PLEKHA7: variants seen among roughly 807,000 people sequenced by gnomAD.
PLEKHA7 encodes the protein pleckstrin homology domain-containing family A member 7.
A neutral mutation model predicts 170.0 loss-of-function variants in PLEKHA7; 104 were observed. The observed-to-expected ratio is 0.61, with a 90% CI of 0.52 to 0.72. PLEKHA7 has a LOEUF of 0.72. PLEKHA7 is among the 30% of genes least tolerant of loss of function. The pLI is 0.00. For synonymous variants in PLEKHA7, 648 were observed against 660.8 expected (o/e 0.98, Z 0.30); for missense variants, 1,615 against 1,671.7 (o/e 0.97, Z 0.59).
intron 3 of PLEKHA7, 50 bp downstream of exon 3, chr11:17,013,939 G>C: frequency 7.0e-7 from 1 of 1,421,264 alleles, no homozygotes; most frequent in Admixed American, 2.7e-5. Context: ...AACGGGGAGG[G>C]ACCCCCCCCC....
chr11:16,841,877 C>A (rs431208), intron 8 of PLEKHA7, among the ~76,000 whole-genome samples, 155 bp from the exon 9 acceptor site: 24,502 of 152,186 alleles, frequency 0.16, 2,400 homozygotes, highest in African/African-American at 0.27. Flanking sequence ...GGCTAGATTT[C>A]TCTTTCTTAG....
In PLEKHA7 at chr11:16,816,894, G is replaced by A; in HGVS notation, c.1772C>T (p.Ala591Val). Reference sequence around the variant, plus strand: ...CGGTGGCTTCACTGTGACTCGCTCTGCTGGTGTGTGTGGCCGCCGGGGTGG... The same window carrying A: ...CGGTGGCTTCACTGTGACTCGCTCTACTGGTGTGTGTGGCCGCCGGGGTGG... ...VFPPRRPHTPAERVTVKPPDQ... is the reference protein window; with the variant it reads ...VFPPRRPHTPVERVTVKPPDQ... Residue 591 changes from alanine to valine, a missense_variant, in exon 11 of 27, where the codon GCA becomes GTA. By Grantham distance (64) the Ala-to-Val change is moderately conservative. Coordinates refer to ENST00000531066, the MANE Select transcript of PLEKHA7 (RefSeq NM_001329630.2). The A allele has an allele frequency of 6.2e-7, 1 of 1,614,172 alleles. No individual in the cohort carries two copies. Among genetic ancestry groups the A allele is most frequent in the East Asian group, 2.2e-5 (1 of 44,872 alleles).
intron 3 of PLEKHA7, among the ~76,000 whole-genome samples, chr11:16,985,560 C>T (rs1863674742): frequency 6.6e-6 from 1 of 152,212 alleles, no homozygotes; most frequent in Admixed American, 6.5e-5. Context: ...CAGCCACACA[C>T]AACAGCTAGA....
chr11:17,014,127 G>A lies in PLEKHA7; in HGVS notation c.161C>T (p.Ser54Leu). Residue 54 changes from serine to leucine, a missense_variant and splice_region_variant, in exon 2 of 27, where the codon TCA becomes TTA. Physicochemically the swap from Ser to Leu is moderately radical, Grantham distance 145. Coordinates refer to ENST00000531066, the MANE Select transcript of PLEKHA7 (RefSeq NM_001329630.2). ...CCACCCGCCGGCCCGGCGCCCACCT[G>A]AGCGGATCATGTGGCCCGAGTTGAC... ...EPVNSGHMIR[S>L]DLPRGWEEGF... 1.2e-6 allele frequency: 2 copies of A among 1,602,688 alleles called. No individual in the cohort carries two copies. Among genetic ancestry groups the A allele is most frequent in the Non-Finnish European group, 1.7e-6 (2 of 1,176,090 alleles).
chr11:16,873,240 T>C (rs998270847), intron 3 of PLEKHA7, among the ~76,000 whole-genome samples: 3 of 152,212 alleles, frequency 2.0e-5, no homozygotes, highest in African/African-American at 7.2e-5. Flanking sequence ...ACAAAGGTTA[T>C]AAAAGAAAAA....
chr11:16,797,465 C>T (rs1336790815), intron 17 of PLEKHA7, among the ~76,000 whole-genome samples: 1 of 152,208 alleles, frequency 6.6e-6, no homozygotes, highest in Non-Finnish European at 1.5e-5. Flanking sequence ...TCAGTGCATA[C>T]ATGCTACGTG....
At chr11:17,007,574 CTTTT>C (rs57078018) in intron 3 of PLEKHA7, among the ~76,000 whole-genome samples, 5 of 116,184 alleles carry the variant, frequency 4.3e-5, no homozygotes, top group Admixed American at 1.8e-4. Context: ...TCTAAAGATG[CTTTT>C]TTTTTTTTTT....
At chr11:17,010,762 C>T (rs1210746616) in intron 3 of PLEKHA7, among the ~76,000 whole-genome samples, 2 of 152,090 alleles carry the variant, frequency 1.3e-5, no homozygotes, top group Non-Finnish European at 2.9e-5. Flanking sequence ...CTTTATGAGC[C>T]AGATTAGAGG....
At chr11:16,832,403 C>A (rs1851187171) in intron 9 of PLEKHA7, among the ~76,000 whole-genome samples, 1 of 152,198 alleles carries the variant, frequency 6.6e-6, no homozygotes, top group African/African-American at 2.4e-5. Flanking sequence ...AGAGCAAATT[C>A]TTATTTTCCC....
In PLEKHA7 at chr11:16,959,120, G is replaced by A. The variant is rs552873921; in HGVS notation, c.221+54869C>T. On this transcript the variant is annotated intron_variant, in intron 3 of 26. Transcript: ENST00000531066. ...TTATTTTAGGTTTGTGGGTACATGT[G>A]AAGGTGTGTTACATACGTAAACACA... Among the ~76,000 whole-genome samples, 3 of 152,310 alleles carry A rather than the reference G, an allele frequency of 2.0e-5. No individual in the cohort carries two copies. In the East Asian group the frequency reaches 5.8e-4, roughly 29 times the overall value.
chr11:16,857,055 T>A (rs1285095403), intron 4 of PLEKHA7, among the ~76,000 whole-genome samples: 1 of 152,160 alleles, frequency 6.6e-6, no homozygotes. Context: ...ACAGACACTT[T>A]TAGAGTGATA....
intron 9 of PLEKHA7, among the ~76,000 whole-genome samples, chr11:16,834,685 T>C (rs1851370274): frequency 6.6e-6 from 1 of 152,128 alleles, no homozygotes. Context: ...CTTTAGCTTA[T>C]TAGAGAGGAA....
At position 16,915,395 on chromosome 11, in the gene PLEKHA7, G is replaced by A. The variant is rs112954028; in HGVS notation, c.222-44213C>T. ...TTATTATTATACTTTAAGTTTTAGG[G>A]TACATGTGCACGATGTGCAGGTTTG... On this transcript the variant is annotated intron_variant, in intron 3 of 26. Transcript: ENST00000531066. Among the ~76,000 whole-genome samples, 733 of 152,086 alleles carry A rather than the reference G, an allele frequency of 4.8e-3. 7 individuals carry two copies. Among genetic ancestry groups the A allele is most frequent in the African/African-American group, 0.017 (696 of 41,484 alleles).
At chr11:16,907,925 ATTC>A (rs1857955508) in intron 3 of PLEKHA7, among the ~76,000 whole-genome samples, 1 of 146,790 alleles carries the variant, frequency 6.8e-6, no homozygotes, top group African/African-American at 2.5e-5. Flanking sequence ...ACTAAGAAAA[ATTC>A]TTCTGCCTTG....
intron 15 of PLEKHA7, 40 bp downstream of exon 15, chr11:16,802,932 C>T: frequency 1.3e-6 from 2 of 1,486,340 alleles, no homozygotes; most frequent in Non-Finnish European, 1.9e-6. Context: ...GACAAAATGT[C>T]CCTCTGCCCA....
intron 13 of PLEKHA7, 48 bp from the exon 14 acceptor site, chr11:16,803,343 C>G (rs528336161): frequency 6.4e-7 from 1 of 1,563,460 alleles, no homozygotes; most frequent in African/African-American, 1.4e-5. Context: ...TGTTTGAGAT[C>G]AGAACTCAGG....
chr11:16,805,789 CAAAAAAA>C (rs11339921), intron 13 of PLEKHA7, among the ~76,000 whole-genome samples: 18 of 111,222 alleles, frequency 1.6e-4, no homozygotes, highest in East Asian at 2.6e-4. Context: ...GACTCCATGT[CAAAAAAA>C]AAAAAAAAAA....
At chr11:16,827,495 G>A (rs1312175454) in intron 9 of PLEKHA7, among the ~76,000 whole-genome samples, 1 of 152,188 alleles carries the variant, frequency 6.6e-6, no homozygotes, top group Non-Finnish European at 1.5e-5. Flanking sequence ...ATGTGTCTGT[G>A]CAAACCTGGA....
intron 3 of PLEKHA7, among the ~76,000 whole-genome samples, chr11:16,934,240 T>A (rs933505351): frequency 2.0e-5 from 3 of 152,118 alleles, no homozygotes; most frequent in Non-Finnish European, 4.4e-5. Context: ...CTGAGTGCCA[T>A]GATAATGAAA....
Sources: gnomAD v4.1 joint callset for allele counts (sites outside exome capture counted in the v4.1 genomes callset) on GRCh38, gnomAD v4.1.1 for gene constraint, MANE v1.5 for transcripts, NCBI Gene and HGNC (gene_info 2026-07-23, HGNC 2026-07-21) for gene names.